Variants in CPEB3 observed in about 807,000 individuals in gnomAD.
CPEB3 encodes cytoplasmic polyadenylation element-binding protein 3.
In CPEB3, 20 loss-of-function variants were observed where a neutral mutation model predicts 67.2. That is an observed-to-expected ratio of 0.30 (90% CI 0.21 to 0.43). The LOEUF (loss-of-function observed/expected upper bound fraction) is 0.43. CPEB3 is among the 20% of genes least tolerant of loss of function. The pLI, the probability that CPEB3 is intolerant of heterozygous loss-of-function variation, is 1.00. For synonymous variants in CPEB3, 376 were observed against 393.1 expected (o/e 0.96, Z 0.51); for missense variants, 746 against 968.6 (o/e 0.77, Z 3.05).
chr10:92,229,168 C>T (rs964124341), intron 2 of CPEB3, among the ~76,000 whole-genome samples: 1 of 152,036 alleles, frequency 6.6e-6, no homozygotes, highest in Non-Finnish European at 1.5e-5. Flanking sequence ...GAACTACAAG[C>T]ATATGACATC....
intron 2 of CPEB3, among the ~76,000 whole-genome samples, chr10:92,236,621 C>T (rs936065614): frequency 7.9e-5 from 12 of 152,042 alleles, no homozygotes; most frequent in East Asian, 5.8e-4. Context: ...TGGTGGCGGA[C>T]GCCTGTAATC....
chr10:92,100,527 C>G (rs1270494120), intron 7 of CPEB3, among the ~76,000 whole-genome samples: 1 of 152,224 alleles, frequency 6.6e-6, no homozygotes, highest in Non-Finnish European at 1.5e-5. Flanking sequence ...CCGCCCACCT[C>G]AGCCTCACAA....
intron 4 of CPEB3, among the ~76,000 whole-genome samples, chr10:92,172,312 C>T (rs1848040987): frequency 6.6e-6 from 1 of 151,880 alleles, no homozygotes; most frequent in Admixed American, 6.6e-5. Flanking sequence ...AAAAAAAACA[C>T]AAAACTTTAT....
At chr10:92,119,759 C>T (rs1237624241) in intron 6 of CPEB3, among the ~76,000 whole-genome samples, 1 of 152,098 alleles carries the variant, frequency 6.6e-6, no homozygotes. Flanking sequence ...GCTATTGACA[C>T]AAGAGGAAGA....
At chr10:92,226,710 T>C (rs1850992280) in intron 2 of CPEB3, among the ~76,000 whole-genome samples, 1 of 151,916 alleles carries the variant, frequency 6.6e-6, no homozygotes, top group African/African-American at 2.4e-5. Flanking sequence ...ATAAGAGGAA[T>C]TAGGGAAGAT....
intron 1 of CPEB3, among the ~76,000 whole-genome samples, chr10:92,250,876 T>TC (rs1317690370): frequency 1.2e-4 from 17 of 146,284 alleles, no homozygotes; most frequent in Non-Finnish European, 4.5e-5. Flanking sequence ...TTTTTTTTTT[T>TC]TTTTTTTGTA....
At chr10:92,207,494 T>C (rs1198946595) in intron 2 of CPEB3, among the ~76,000 whole-genome samples, 2 of 152,214 alleles carry the variant, frequency 1.3e-5, no homozygotes, top group East Asian at 3.8e-4. Context: ...CTCAGTTTTC[T>C]CATTTGTAAA....
intron 7 of CPEB3, among the ~76,000 whole-genome samples, chr10:92,106,568 A>C (rs1211769798): frequency 6.6e-6 from 1 of 152,122 alleles, no homozygotes; most frequent in Non-Finnish European, 1.5e-5. Flanking sequence ...TAATCCTAGC[A>C]CTTTGGGAGT....
rs566924026 is a variant in CPEB3 at position 92,101,682 on chromosome 10, A to G, written c.1572+9394T>C. 1.3e-4 allele frequency among the ~76,000 whole-genome samples: 20 copies of G among 152,294 alleles called. No individual in the cohort carries two copies. The South Asian group carries it at 1.7e-3, about 13-fold the overall frequency. On this transcript the variant is annotated intron_variant, in intron 7 of 9. Transcript: ENST00000265997. ...AGCACTTTGGGAGGCCAAGGCAGGC[A>G]GATCACTTGAGGTCAGGAGTTCGAG...
chr10:92,180,618 C>A (rs1288484327), intron 4 of CPEB3, among the ~76,000 whole-genome samples: 3 of 152,194 alleles, frequency 2.0e-5, no homozygotes, highest in Admixed American at 1.3e-4. Flanking sequence ...AAAAACAGAT[C>A]CAGCTTGCAG....
rs574098355 is a variant in CPEB3, at chr10:92,234,394, C to A, written c.1005+4952G>T. ...ATACTTACAGTCACTGTATTTTTTT[C>A]TTTCTGCATTTCTACAAATACAAAA... On this transcript the variant is annotated intron_variant, in intron 2 of 9. Transcript: ENST00000265997. Among the ~76,000 whole-genome samples the A allele has an allele frequency of 3.9e-5, 6 of 152,116 alleles. No individual in the cohort carries two copies. In the East Asian group the frequency reaches 1.2e-3, roughly 29 times the overall value.
intron 1 of CPEB3, among the ~76,000 whole-genome samples, chr10:92,288,639 A>T (rs1842651283): frequency 1.3e-5 from 2 of 152,196 alleles, no homozygotes; most frequent in Admixed American, 1.3e-4. Flanking sequence ...CACAGCCAGA[A>T]AGCTGATTTT....
chr10:92,162,705 G>A (rs923596900), intron 4 of CPEB3, among the ~76,000 whole-genome samples: 49 of 152,128 alleles, frequency 3.2e-4, no homozygotes, highest in African/African-American at 1.1e-3. Flanking sequence ...TTAATGGCAT[G>A]GTACTTTGCT....
chr10:92,063,250 G>A (rs1328209325), intron 9 of CPEB3, among the ~76,000 whole-genome samples: 1 of 152,170 alleles, frequency 6.6e-6, no homozygotes, highest in African/African-American at 2.4e-5. Context: ...ATAAAGCAAT[G>A]GCTAAACAAC....
chr10:92,120,580 T>A (rs1845313815), intron 6 of CPEB3, among the ~76,000 whole-genome samples: 1 of 151,528 alleles, frequency 6.6e-6, no homozygotes, highest in South Asian at 2.1e-4. Context: ...CGAGACTGTC[T>A]CAAAAAAAAC....
At chr10:92,154,270 T>C (rs985812891) in intron 4 of CPEB3, among the ~76,000 whole-genome samples, 4 of 152,244 alleles carry the variant, frequency 2.6e-5, no homozygotes, top group African/African-American at 9.6e-5. Flanking sequence ...GGTGTGATTC[T>C]TATTCCACAA....
intron 7 of CPEB3, among the ~76,000 whole-genome samples, chr10:92,096,557 A>C (rs1218678831): frequency 6.6e-6 from 1 of 152,138 alleles, no homozygotes; most frequent in African/African-American, 2.4e-5. Flanking sequence ...TGCCACCCAG[A>C]AATAGTGAAG....
intron 1 of CPEB3, among the ~76,000 whole-genome samples, chr10:92,272,499 G>A (rs1346615777): frequency 1.3e-5 from 2 of 152,158 alleles, no homozygotes; most frequent in African/African-American, 2.4e-5. Context: ...ACATCTCTAT[G>A]TGGGTATCTA....
chr10:92,055,745 GAA>G (rs61360885), intron 9 of CPEB3, among the ~76,000 whole-genome samples: 3 of 151,772 alleles, frequency 2.0e-5, no homozygotes, highest in African/African-American at 2.4e-5. Flanking sequence ...TTAATATGGT[GAA>G]AAAAAAATTA....
Sources: allele counts gnomAD v4.1 joint callset (sites outside exome capture counted in the v4.1 genomes callset), GRCh38; gene constraint gnomAD v4.1.1; transcripts MANE v1.5; gene names NCBI Gene and HGNC (gene_info 2026-07-23, HGNC 2026-07-21).